The following EML2 variants were observed in gnomAD, a reference collection of about 807,000 sequenced individuals.
EML2 encodes echinoderm microtubule-associated protein-like 2.
A neutral mutation model predicts 84.7 loss-of-function variants in EML2; 59 were observed. The observed-to-expected ratio is 0.70, with a 90% CI of 0.56 to 0.86. The LOEUF is 0.86. Ranked by LOEUF, EML2 falls within the 40% of genes least tolerant of loss-of-function variation. The pLI is 0.00. For synonymous variants in EML2, 352 were observed against 348.9 expected (o/e 1.01, Z -0.10); for missense variants, 818 against 855.6 (o/e 0.96, Z 0.55).
chr19:45,621,767 G>A, intron 9 of EML2, 130 bp from the exon 10 acceptor site: 1 of 1,008,314 alleles, frequency 9.9e-7, no homozygotes, highest in Non-Finnish European at 1.4e-6. Context: ...TTTTTTTTGA[G>A]ACGGAGTCTC....
chr19:45,633,875 G>A (rs1455959494), intron 4 of EML2, among the ~76,000 whole-genome samples: 1 of 152,160 alleles, frequency 6.6e-6, no homozygotes, highest in African/African-American at 2.4e-5. Context: ...CTCCCAAAGT[G>A]CTGCTTTCAC....
At chr19:45,631,652 C>T (rs1426592773) in intron 6 of EML2, among the ~76,000 whole-genome samples, 1 of 151,986 alleles carries the variant, frequency 6.6e-6, no homozygotes, top group East Asian at 1.9e-4. Flanking sequence ...AAATGATCCA[C>T]CCATCTTGGC....
At chr19:45,626,645 C>A (rs949918208) in intron 8 of EML2, 60 bp downstream of exon 8, 24 of 1,558,764 alleles carry the variant, frequency 1.5e-5, no homozygotes, top group Non-Finnish European at 2.0e-5. Context: ...TGCTACCTCC[C>A]TGCCTGTCCC....
intron 9 of EML2, chr19:45,623,481 T>C (rs1448429603): frequency 6.6e-6 from 1 of 151,750 alleles, no homozygotes; most frequent in East Asian, 2.0e-4. Flanking sequence ...TGAGCTGTGA[T>C]GGCAACCACT....
chr19:45,643,482 C>A, upstream of EML2: 1 of 1,485,950 alleles, frequency 6.7e-7, no homozygotes, highest in Non-Finnish European at 9.1e-7. Flanking sequence ...CAAAATGACT[C>A]CCCGAGTCGC....
At chr19:45,630,583 C>T (rs538624993) in intron 6 of EML2, among the ~76,000 whole-genome samples, 52 of 150,832 alleles carry the variant, frequency 3.4e-4, no homozygotes, top group African/African-American at 1.1e-3. Flanking sequence ...TTCAAAGGCC[C>T]TGGCCATTTT....
rs376700086 is a variant in EML2 at position 45,613,688 on chromosome 19, G to C, written c.1694-17C>G. ...ACCAGATCCCTGTGGGCAAGATGAA[G>C]GGAAGTGGTAAGATGTCAGCTGGAG... On this transcript the variant is annotated splice_polypyrimidine_tract_variant and intron_variant, in intron 17 of 18. Coordinates refer to ENST00000245925, the MANE Select transcript of EML2 (RefSeq NM_012155.4). The C allele has an allele frequency of 3.1e-6, 5 of 1,609,020 alleles. No individual in the cohort carries two copies. The African/African-American group carries it at 6.7e-5, about 22-fold the overall frequency.
chr19:45,633,894 G>A (rs1394782745), intron 4 of EML2, among the ~76,000 whole-genome samples: 1 of 152,164 alleles, frequency 6.6e-6, no homozygotes, highest in East Asian at 1.9e-4. Context: ...ACAGGCGTGA[G>A]CCACCTCGCT....
rs866325180 is a variant in EML2, at chr19:45,620,365, C to T, written c.1122+842G>A. 4.6e-5 allele frequency among the ~76,000 whole-genome samples: 7 copies of T among 151,952 alleles called. 1 individual carries two copies. Among genetic ancestry groups the T allele is most frequent in the Admixed American group, 2.0e-4 (3 of 15,236 alleles). ...CTGATGTCAAGTGATCTGCCTGCCT[C>T]GGCCTCCCAAAGTAATATTAATATT... On this transcript the variant is annotated intron_variant, in intron 11 of 18. Coordinates refer to ENST00000245925, the MANE Select transcript of EML2 (RefSeq NM_012155.4).
Position 45,624,819 on chromosome 19 carries a change from C to T in EML2, c.742-1G>A. Reference sequence around the variant, plus strand: ...GCACATACTTCGGTTTCTCATGTTTCTAAGGTGGGGGAGGAAAGGAAGGTG... The same window carrying T: ...GCACATACTTCGGTTTCTCATGTTTTTAAGGTGGGGGAGGAAAGGAAGGTG... On this transcript the variant is annotated splice_acceptor_variant, in intron 8 of 18. Coordinates refer to ENST00000245925, the MANE Select transcript of EML2 (RefSeq NM_012155.4). LOFTEE classifies it high-confidence loss of function. 1 of 1,608,814 alleles carries T rather than the reference C, an allele frequency of 6.2e-7. No individual in the cohort carries two copies. The highest frequency in any genetic ancestry group is 1.1e-5 in the South Asian group (1 of 90,412).
rs1346875069 is a variant in EML2, at chr19:45,621,488, CT to C, written c.990del (p.Val331TrpfsTer63). 1 of 1,610,204 alleles carries C rather than the reference CT, an allele frequency of 6.2e-7. No individual in the cohort carries two copies. The highest frequency in any genetic ancestry group is 1.3e-5 in the African/African-American group (1 of 74,912). On this transcript the variant is annotated frameshift_variant, in exon 10 of 19. Transcript: ENST00000245925. LOFTEE classifies it high-confidence loss of function. ...AGCCCACTGCCCCTCCTCACCTCCA[CT>C]TCCTGCAGCTTGCTGTAGTCAGAAC... is the stretch of plus-strand genomic sequence containing the variant. ...LWGSDYSKLQ[E>X]VEVPEDFGPV...
intron 9 of EML2, among the ~76,000 whole-genome samples, chr19:45,624,497 C>T (rs1030482344): frequency 6.6e-6 from 1 of 152,132 alleles, no homozygotes; most frequent in Admixed American, 6.6e-5. Context: ...CATTGATAAT[C>T]TGGACTTGAT....
chr19:45,641,562 G>T, upstream of EML2: 1 of 1,410,568 alleles, frequency 7.1e-7, no homozygotes, highest in Non-Finnish European at 9.6e-7. Context: ...TTACGACCTC[G>T]TGGCCTGGGG....
Position 45,616,524 on chromosome 19 carries a change from G to C in EML2, c.1446C>G (p.Asn482Lys). 1.9e-6 allele frequency: 3 copies of C among 1,610,884 alleles called. No homozygotes were observed. Among genetic ancestry groups the C allele is most frequent in the South Asian group, 2.2e-5 (2 of 90,970 alleles). The change falls in exon 15 of 19, where the codon AAC becomes AAG. Residue 482 changes from asparagine to lysine, a missense_variant. Coordinates refer to ENST00000245925, the MANE Select transcript of EML2 (RefSeq NM_012155.4). The part of the protein sequence containing the change: ...GAYLAVGSHD[N>K]LVYVYTVDQG... ...GGTCCACCGTGTACACGTACACCAA[G>C]TTGTCGTGGGAGCCCACGGCCAGGT...
intron 2 of EML2, 104 bp downstream of exon 2, chr19:45,638,741 C>T (rs986068823): frequency 1.3e-6 from 2 of 1,587,744 alleles, no homozygotes; most frequent in Non-Finnish European, 1.7e-6. Flanking sequence ...GAAACTGAGG[C>T]CAGAGAGGCA....
chr19:45,629,962 C>G lies in EML2; in HGVS notation c.595G>C (p.Val199Leu). Residue 199 changes from valine to leucine, a missense_variant, in exon 7 of 19, where the codon GTG becomes CTG. Transcript: ENST00000245925. ...VWDWAKETKV[V>L]DVKCSNEAVL... ...AAAAGTCACCTCACCTTGACATCCA[C>G]CACCTTGGTCTCCTTGGCCCAGTCC... 6.2e-7 allele frequency: 1 copy of G among 1,613,410 alleles called. No individual in the cohort carries two copies. The highest frequency in any genetic ancestry group is 1.1e-5 in the South Asian group (1 of 91,048).
chr19:45,626,905 T>A, intron 7 of EML2, 66 bp from the exon 8 acceptor site: 2 of 1,496,956 alleles, frequency 1.3e-6, no homozygotes, highest in Non-Finnish European at 1.8e-6. Flanking sequence ...TACCCGCCCC[T>A]CACAGGACTG....
At chr19:45,625,935 G>A (rs1403373760) in intron 8 of EML2, among the ~76,000 whole-genome samples, 1 of 151,816 alleles carries the variant, frequency 6.6e-6, no homozygotes, top group African/African-American at 2.4e-5. Flanking sequence ...CTGGAGTGCA[G>A]TGGTACCATC....
At chr19:45,645,128 C>A (rs11670462), upstream of EML2, 1 of 942,288 alleles carries the variant, frequency 1.1e-6, no homozygotes, top group African/African-American at 1.7e-5. Flanking sequence ...GGACCTTGCT[C>A]TTGGGTCAGG....
Sources: allele counts gnomAD v4.1 joint callset (sites outside exome capture counted in the v4.1 genomes callset), GRCh38; gene constraint gnomAD v4.1.1; transcripts MANE v1.5; gene names NCBI Gene and HGNC (gene_info 2026-07-23, HGNC 2026-07-21).